RIC1: variants seen among roughly 807,000 people sequenced by gnomAD.
RIC1 encodes the protein guanine nucleotide exchange factor subunit RIC1.
Under a neutral mutation model 169.0 loss-of-function variants are expected in RIC1, and 88 were observed. The observed-to-expected ratio is 0.52, with a 90% CI of 0.44 to 0.62. RIC1 has a LOEUF of 0.62. Ranked by LOEUF, RIC1 falls within the 20% of genes least tolerant of loss-of-function variation. RIC1 has a pLI of 0.00. For synonymous variants in RIC1, 790 were observed against 601.5 expected, an observed-to-expected ratio of 1.31 and a Z score of -4.59; for missense variants, 1,877 against 1,725.5, an observed-to-expected ratio of 1.09 and a Z score of -1.56.
Position 5,720,644 on chromosome 9 carries a change from A to C in RIC1, c.614A>C (p.His205Pro). Reference sequence around the variant, plus strand: ...TCATTCCTGGGCTTCACAGACGTACACATCAGAGACATGGAATACTGTGCC... The same window carrying C: ...TCATTCCTGGGCTTCACAGACGTACCCATCAGAGACATGGAATACTGTGCC... ...VGSFLGFTDVHIRDMEYCATL... is the reference protein window; with the variant it reads ...VGSFLGFTDVPIRDMEYCATL... The change falls in exon 6 of 26, where the codon CAC becomes CCC. Residue 205 changes from histidine to proline, a missense_variant. Around this residue, in one of 3 missense-constraint regions of RIC1, gnomAD observed 1,104 missense variants for 992.0 expected, o/e 1.11. Coordinates refer to ENST00000414202, the MANE Select transcript of RIC1 (RefSeq NM_020829.4). 2 of 1,607,898 alleles carry C rather than the reference A, an allele frequency of 1.2e-6. No homozygotes were observed. The highest frequency in any genetic ancestry group is 2.7e-5 in the African/African-American group (2 of 74,674).
chr9:5,674,021 C>G (rs916791192), intron 2 of RIC1, among the ~76,000 whole-genome samples: 10 of 152,148 alleles, frequency 6.6e-5, no homozygotes, highest in Non-Finnish European at 5.9e-5. Context: ...CTCGTCATAA[C>G]CAGTTACATT....
At chr9:5,663,860 T>G (rs536687541) in intron 2 of RIC1, among the ~76,000 whole-genome samples, 1 of 152,282 alleles carries the variant, frequency 6.6e-6, no homozygotes, top group South Asian at 2.1e-4. Flanking sequence ...AAGATACTAG[T>G]TGGTTATTTT....
In RIC1 at chr9:5,720,238, T is replaced by G. The variant is rs1167738422; in HGVS notation, c.497T>G (p.Leu166Arg). ...LVATSDGLLH[L>R]IHWEGMTNGR... ...GCTACTTCTGATGGACTTCTTCATC[T>G]TATTCACTGGGAAGGAATGACAAAT... The change falls in exon 5 of 26, where the codon CTT (leucine) becomes CGT (arginine). Residue 166 changes from leucine to arginine, a missense_variant. Transcript: ENST00000414202. The G allele has an allele frequency of 5.0e-6, 8 of 1,613,118 alleles. No homozygotes were observed. The African/African-American group carries it at 1.1e-4, about 22-fold the overall frequency.
At chr9:5,743,873 G>A in intron 10 of RIC1, 136 bp downstream of exon 10, 4 of 648,590 alleles carry the variant, frequency 6.2e-6, no homozygotes, top group East Asian at 2.8e-5. Flanking sequence ...AGCAGTGGCA[G>A]ATCATAGCTC....
intron 2 of RIC1, among the ~76,000 whole-genome samples, chr9:5,681,002 A>G (rs957499072): frequency 3.4e-5 from 5 of 149,190 alleles, no homozygotes; most frequent in Admixed American, 6.6e-5. Context: ...AATTTTTTGT[A>G]TTTTTAGTAG....
chr9:5,672,778 A>G (rs888160236), intron 2 of RIC1, among the ~76,000 whole-genome samples: 10 of 152,312 alleles, frequency 6.6e-5, no homozygotes, highest in Admixed American at 3.9e-4. Flanking sequence ...GTACATATCT[A>G]GAGATAATGT....
rs776778707 is a variant in RIC1 at position 5,763,467 on chromosome 9, C to T, written c.2440C>T (p.Leu814Phe). The T allele has an allele frequency of 5.6e-6, 9 of 1,614,182 alleles. No homozygotes were observed. Among genetic ancestry groups the T allele is most frequent in the Admixed American group, 5.0e-5 (3 of 60,024 alleles). Residue 814 changes from leucine to phenylalanine, a missense_variant, in exon 19 of 26, where the codon CTC becomes TTC. Coordinates refer to ENST00000414202, the MANE Select transcript of RIC1 (RefSeq NM_020829.4). The surrounding 1 kb of genome is among the most constrained non-coding windows in gnomAD (Gnocchi z 5.2). ...CAATGCTAGAGAACAGCTGGAGGTGCTCTTCCCTTTCTGTGTTGTGGAGAG... is the reference window on the plus strand; with the variant it reads ...CAATGCTAGAGAACAGCTGGAGGTGTTCTTCCCTTTCTGTGTTGTGGAGAG... Reference protein sequence around the residue: ...RNNAREQLEVLFPFCVVERTS... With the variant: ...RNNAREQLEVFFPFCVVERTS...
rs540327141 is a variant in RIC1, at chr9:5,678,892, T to C, written c.253-11067T>C. On this transcript the variant is annotated intron_variant, in intron 2 of 25. Transcript: ENST00000414202. Reference sequence around the variant, plus strand: ...TTTTGGCTTTTGTTGCCATTGCTTTTGGTGTTTTAGACATGAAGTCCTTGC... The same window carrying C: ...TTTTGGCTTTTGTTGCCATTGCTTTCGGTGTTTTAGACATGAAGTCCTTGC... Among the ~76,000 whole-genome samples the C allele has an allele frequency of 5.7e-4, 87 of 152,256 alleles. No homozygotes were observed. The East Asian group carries it at 0.015, about 26-fold the overall frequency.
chr9:5,660,864 C>T (rs963781196), intron 2 of RIC1, among the ~76,000 whole-genome samples: 1 of 152,186 alleles, frequency 6.6e-6, no homozygotes, highest in African/African-American at 2.4e-5. Context: ...GATTAGATCC[C>T]ATTTGTCAAT....
intron 8 of RIC1, among the ~76,000 whole-genome samples, chr9:5,742,015 T>C (rs1825113491): frequency 6.6e-6 from 1 of 152,190 alleles, no homozygotes; most frequent in South Asian, 2.1e-4. Context: ...CCACATTAAA[T>C]TGCACAAATT....
chr9:5,702,924 C>T (rs1330656361), intron 3 of RIC1, among the ~76,000 whole-genome samples: 2 of 152,324 alleles, frequency 1.3e-5, no homozygotes, highest in South Asian at 4.1e-4. Context: ...AAATTGCCCT[C>T]ATGATCCAGT....
chr9:5,700,723 C>A (rs997275893), intron 3 of RIC1, among the ~76,000 whole-genome samples: 1 of 152,026 alleles, frequency 6.6e-6, no homozygotes, highest in African/African-American at 2.4e-5. Flanking sequence ...CACCTTCATT[C>A]TGCACAAGTG....
intron 7 of RIC1, among the ~76,000 whole-genome samples, chr9:5,735,434 G>C (rs1824639238): frequency 6.6e-6 from 1 of 152,200 alleles, no homozygotes; most frequent in African/African-American, 2.4e-5. Context: ...CTCCTCCCTA[G>C]GCTATGGGCT....
chr9:5,675,255 A>G (rs141206286), intron 2 of RIC1, among the ~76,000 whole-genome samples: 9,452 of 152,246 alleles, frequency 0.062, 459 homozygotes, highest in Non-Finnish European at 0.097. Flanking sequence ...GGAAATTGGA[A>G]TGAGTCAGGG....
chr9:5,677,971 A>G (rs886360925), intron 2 of RIC1, among the ~76,000 whole-genome samples: 3 of 151,964 alleles, frequency 2.0e-5, no homozygotes, highest in African/African-American at 7.3e-5. Flanking sequence ...AGCATTAGGT[A>G]TATCTCCTAA....
intron 3 of RIC1, among the ~76,000 whole-genome samples, chr9:5,710,970 A>T (rs1045933054): frequency 1.3e-5 from 2 of 152,156 alleles, no homozygotes; most frequent in African/African-American, 4.8e-5. Context: ...AAGAGAGAAC[A>T]GGGAATGGAG....
chr9:5,666,090 G>C (rs1404963442), intron 2 of RIC1, among the ~76,000 whole-genome samples: 1 of 152,140 alleles, frequency 6.6e-6, no homozygotes, highest in South Asian at 2.1e-4. Context: ...CCGTCCTGGG[G>C]GGAAATTAGA....
rs1037910863 is a variant in RIC1, at chr9:5,774,744, G to A, written c.*498G>A. On this transcript the variant is annotated 3_prime_UTR_variant, in exon 26 of 26. Transcript: ENST00000414202. ...CCTCCTGAATAGATTGCTACCCTGGGGCACAATATGTGCCAGTGTGATGGA... is the reference window on the plus strand; with the variant it reads ...CCTCCTGAATAGATTGCTACCCTGGAGCACAATATGTGCCAGTGTGATGGA... 3 of 152,506 alleles carry A rather than the reference G, an allele frequency of 2.0e-5. No individual in the cohort carries two copies. The highest frequency in any genetic ancestry group is 4.4e-5 in the Non-Finnish European group (3 of 68,322). 9.4% of individuals were successfully genotyped at this position (152,506 alleles called of 1,614,324 possible).
At chr9:5,663,951 C>T (rs913646525) in intron 2 of RIC1, among the ~76,000 whole-genome samples, 3 of 152,132 alleles carry the variant, frequency 2.0e-5, no homozygotes, top group Admixed American at 2.0e-4. Flanking sequence ...ATGGTTTTTC[C>T]TTTCCATATT....
Sources: gnomAD v4.1 joint callset for allele counts (sites outside exome capture counted in the v4.1 genomes callset) on GRCh38, gnomAD v4.1.1 for gene constraint, gnomAD v4.1.1 regional missense constraint, Gnocchi (gnomAD v3.1) non-coding constraint, MANE v1.5 for transcripts, NCBI Gene and HGNC (gene_info 2026-07-23, HGNC 2026-07-21) for gene names.